PDZRN3: variants seen among roughly 807,000 people sequenced by gnomAD.
The protein encoded by PDZRN3 is E3 ubiquitin-protein ligase PDZRN3.
A neutral mutation model predicts 85.7 loss-of-function variants in PDZRN3; 38 were observed. The observed-to-expected ratio is 0.44, with a 90% CI of 0.34 to 0.58. The LOEUF (loss-of-function observed/expected upper bound fraction) is 0.58. Among genes scored for constraint, PDZRN3 ranks in the 20% least tolerant of loss-of-function variants. PDZRN3 has a pLI of 0.01. For synonymous variants in PDZRN3, 759 were observed against 638.0 expected, an observed-to-expected ratio of 1.19 and a Z score of -2.86; for missense variants, 1,629 against 1,506.4, an observed-to-expected ratio of 1.08 and a Z score of -1.35.
At chr3:73,446,262 A>G (rs77875741) in intron 3 of PDZRN3, among the ~76,000 whole-genome samples, 11,759 of 146,876 alleles carry the variant, frequency 0.08, 723 homozygotes, top group African/African-American at 0.19. Context: ...ATTTTATTTC[A>G]GGAAAAGGAA....
At position 73,384,913 on chromosome 3, in the gene PDZRN3, G is replaced by A. The variant is rs759070383; in HGVS notation, c.1653C>T (p.Asp551=). 4.4e-6 allele frequency: 7 copies of A among 1,602,302 alleles called. No individual in the cohort carries two copies. Among genetic ancestry groups the A allele is most frequent in the East Asian group, 2.2e-5 (1 of 44,734 alleles). Residue 551 remains aspartate, a synonymous_variant, in exon 10 of 10, where the codon GAC becomes GAT. Coordinates refer to ENST00000263666, the MANE Select transcript of PDZRN3 (RefSeq NM_015009.3). ...SVLQQKKHDE[D]GGTTDTATIL... ...TGGTGGCTGTATCTGTGGTCCCACC[G>A]TCTTCGTCGTGCTTCTTCTGCATAA...
At position 73,464,692 on chromosome 3, in the gene PDZRN3, G is replaced by C. The variant is rs79399341; in HGVS notation, c.919-60297C>G. ...TTCCTATATTTCAAAAGAAAAAAAG[G>C]TGTCTCTTTTTAAAAAAATCTGGAA... On this transcript the variant is annotated intron_variant, in intron 3 of 9. Transcript: ENST00000263666. Among the ~76,000 whole-genome samples the C allele has an allele frequency of 5.9e-5, 9 of 152,104 alleles. No individual in the cohort carries two copies. The East Asian group carries it at 1.2e-3, about 20-fold the overall frequency.
intron 3 of PDZRN3, among the ~76,000 whole-genome samples, chr3:73,533,553 T>A (rs1704709150): frequency 1.3e-5 from 2 of 152,172 alleles, no homozygotes; most frequent in African/African-American, 4.8e-5. Flanking sequence ...AATTGTTTTT[T>A]TTTTTAAATT....
chr3:73,479,876 G>A (rs372398259), intron 3 of PDZRN3, among the ~76,000 whole-genome samples: 14 of 152,244 alleles, frequency 9.2e-5, no homozygotes, highest in Non-Finnish European at 1.9e-4. Flanking sequence ...TGTATGAGTT[G>A]CGGGGGGCGG....
At chr3:73,541,040 G>C (rs1704908862) in intron 3 of PDZRN3, among the ~76,000 whole-genome samples, 1 of 152,120 alleles carries the variant, frequency 6.6e-6, no homozygotes, top group Non-Finnish European at 1.5e-5. Flanking sequence ...AGAAGCAAAG[G>C]GGTCCTGGGA....
At chr3:73,508,582 C>T (rs990256396) in intron 3 of PDZRN3, among the ~76,000 whole-genome samples, 75 of 152,124 alleles carry the variant, frequency 4.9e-4, no homozygotes, top group Admixed American at 2.6e-4. Flanking sequence ...TAGGAGTGAA[C>T]AGTTTTCTAT....
At chr3:73,589,998 G>A (rs1282378732) in intron 3 of PDZRN3, among the ~76,000 whole-genome samples, 1 of 152,116 alleles carries the variant, frequency 6.6e-6, no homozygotes, top group Non-Finnish European at 1.5e-5. Flanking sequence ...GCTGGGCTCA[G>A]CGGCTCACGC....
Position 73,624,853 on chromosome 3 carries a change from C to G in PDZRN3, c.-28G>C. The G allele has an allele frequency of 7.9e-7, 1 of 1,267,754 alleles. No individual in the cohort carries two copies. 78.5% of individuals were successfully genotyped at this position (1,267,754 alleles called of 1,614,324 possible). ...TGGCGGCCAGGCCCCGGGGTCGCCGCCGGGCGGCCGGGCGCCCCCTCCCTC... is the reference window on the plus strand; with the variant it reads ...TGGCGGCCAGGCCCCGGGGTCGCCGGCGGGCGGCCGGGCGCCCCCTCCCTC... On this transcript the variant is annotated 5_prime_UTR_variant, in exon 1 of 10. Transcript: ENST00000263666.
chr3:73,566,505 A>C (rs953979484), intron 3 of PDZRN3, among the ~76,000 whole-genome samples: 1 of 152,190 alleles, frequency 6.6e-6, no homozygotes, highest in Non-Finnish European at 1.5e-5. Flanking sequence ...TCATTATTTG[A>C]GAGTAAGAAA....
chr3:73,593,890 C>T (rs750532705), intron 3 of PDZRN3: 3 of 151,996 alleles, frequency 2.0e-5, no homozygotes, highest in Non-Finnish European at 4.4e-5. Flanking sequence ...AATATAAATG[C>T]CTTAAAAATA....
chr3:73,385,523 T>C (rs193178171), intron 9 of PDZRN3, 146 bp downstream of exon 9: 14 of 610,300 alleles, frequency 2.3e-5, no homozygotes, highest in Non-Finnish European at 2.9e-5. Flanking sequence ...GGTGCTCAAA[T>C]AGAAAAGTAC....
intron 3 of PDZRN3, among the ~76,000 whole-genome samples, chr3:73,531,212 C>T (rs1704645906): frequency 7.2e-6 from 1 of 139,690 alleles, no homozygotes; most frequent in Non-Finnish European, 1.5e-5. Flanking sequence ...GATCGCGCCA[C>T]TGCACTCCAG....
rs1703286775 is a variant in PDZRN3, at chr3:73,383,233, G to A, written c.*132C>T. On this transcript the variant is annotated 3_prime_UTR_variant, in exon 10 of 10. Coordinates refer to ENST00000263666, the MANE Select transcript of PDZRN3 (RefSeq NM_015009.3). ...GACCTATGACACCCAGAGTTGTAGG[G>A]TTTGCAAATTTGGACTATAAACATG... 1.2e-6 allele frequency: 1 copy of A among 805,188 alleles called. No individual in the cohort carries two copies. The highest frequency in any genetic ancestry group is 2.6e-5 in the Admixed American group (1 of 38,734). 49.9% of individuals were successfully genotyped at this position (805,188 alleles called of 1,614,324 possible). A position where few individuals can be genotyped will look rare whatever the true frequency, so the allele number is the denominator to read the frequency against.
At chr3:73,424,367 C>CAAAAAA (rs66466551) in intron 3 of PDZRN3, among the ~76,000 whole-genome samples, 588 of 54,858 alleles carry the variant, frequency 0.011, 34 homozygotes, top group African/African-American at 0.041. Context: ...CCGTCTCTAC[C>CAAAAAA]AAAAAAAAAA....
At chr3:73,444,965 C>T (rs1702719502) in intron 3 of PDZRN3, among the ~76,000 whole-genome samples, 2 of 152,092 alleles carry the variant, frequency 1.3e-5, no homozygotes, top group East Asian at 1.9e-4. Context: ...ACATGAATGG[C>T]GGTCTTGAGG....
At chr3:73,575,950 T>C (rs1702116774) in intron 3 of PDZRN3, among the ~76,000 whole-genome samples, 3 of 152,010 alleles carry the variant, frequency 2.0e-5, no homozygotes, top group Admixed American at 6.6e-5. Context: ...AGGAGAAATA[T>C]CATAGAAAGA....
At chr3:73,562,612 C>T (rs1347444924) in intron 3 of PDZRN3, among the ~76,000 whole-genome samples, 8 of 152,126 alleles carry the variant, frequency 5.3e-5, no homozygotes. Flanking sequence ...TGCATGCCAT[C>T]TACATTTCCG....
At chr3:73,478,018 C>A (rs28408701) in intron 3 of PDZRN3, among the ~76,000 whole-genome samples, 1 of 152,068 alleles carries the variant, frequency 6.6e-6, no homozygotes, top group Non-Finnish European at 1.5e-5. Context: ...CCAAGAAACA[C>A]GGGAATTATG....
chr3:73,562,051 G>T, intron 3 of PDZRN3, among the ~76,000 whole-genome samples: 1 of 151,546 alleles, frequency 6.6e-6, no homozygotes, highest in African/African-American at 2.4e-5. Context: ...CATAAATTCT[G>T]GTCAAAAACC....
Sources: gnomAD v4.1 joint callset for allele counts (sites outside exome capture counted in the v4.1 genomes callset) on GRCh38, gnomAD v4.1.1 for gene constraint, MANE v1.5 for transcripts, NCBI Gene and HGNC (gene_info 2026-07-23, HGNC 2026-07-21) for gene names.